PALM2AKAP2: variants seen among roughly 807,000 people sequenced by gnomAD.
PALM2AKAP2 encodes PALM2-AKAP2 fusion protein.
In PALM2AKAP2, 37 loss-of-function variants were observed where a neutral mutation model predicts 71.5. That is an observed-to-expected ratio of 0.52 (90% CI 0.40 to 0.68). The LOEUF (loss-of-function observed/expected upper bound fraction) is 0.68. Ranked by LOEUF, PALM2AKAP2 falls within the 30% of genes least tolerant of loss-of-function variation. The pLI is 0.00. For missense variants in PALM2AKAP2, 1,224 were observed against 1,191.8 expected (o/e 1.03, Z -0.40); for synonymous variants, 468 against 478.8 (o/e 0.98, Z 0.29).
intron 1 of PALM2AKAP2, among the ~76,000 whole-genome samples, chr9:109,801,724 G>GTGTA (rs1454296970): frequency 6.6e-6 from 1 of 151,864 alleles, no homozygotes; most frequent in Non-Finnish European, 1.5e-5. Flanking sequence ...GTGTGTGTGT[G>GTGTA]TGTGTTTGTG....
intron 1 of PALM2AKAP2, among the ~76,000 whole-genome samples, chr9:109,647,296 T>C (rs1391834761): frequency 6.6e-6 from 1 of 152,210 alleles, no homozygotes; most frequent in African/African-American, 2.4e-5. Context: ...TATACACATC[T>C]ACTTCATTCA....
At chr9:110,162,587 TTAAGATGAACCATCC>T (rs1310644854) in intron 3 of PALM2AKAP2, among the ~76,000 whole-genome samples, 1 of 152,192 alleles carries the variant, frequency 6.6e-6, no homozygotes, top group East Asian at 1.9e-4. Context: ...TTCTATAGAT[TTAAGATGAACCATCC>T]TAATCTACAG....
upstream of PALM2AKAP2, among the ~76,000 whole-genome samples, chr9:110,045,360 G>A (rs958291168): frequency 1.3e-5 from 2 of 152,178 alleles, no homozygotes; most frequent in East Asian, 3.9e-4. Context: ...AATATTCTCA[G>A]CTCTAATAAT....
At chr9:109,748,936 A>G (rs1049998521) in intron 1 of PALM2AKAP2, among the ~76,000 whole-genome samples, 2 of 152,150 alleles carry the variant, frequency 1.3e-5, no homozygotes, top group African/African-American at 2.4e-5. Context: ...CTCCAGCCAT[A>G]TTGGATTAAG....
At chr9:110,045,608 C>A (rs371152204), upstream of PALM2AKAP2, among the ~76,000 whole-genome samples, 2 of 152,164 alleles carry the variant, frequency 1.3e-5, no homozygotes, top group East Asian at 3.9e-4. Flanking sequence ...CTCTCTGTCG[C>A]CCAGGCTGGA....
chr9:110,061,023 C>T (rs973305131), intron 1 of PALM2AKAP2, among the ~76,000 whole-genome samples: 1 of 152,098 alleles, frequency 6.6e-6, no homozygotes, highest in African/African-American at 2.4e-5. Context: ...GACCTTTGTC[C>T]CGTTAAGGTA....
intron 1 of PALM2AKAP2, among the ~76,000 whole-genome samples, chr9:109,664,463 G>T (rs1827447587): frequency 6.6e-6 from 1 of 152,176 alleles, no homozygotes; most frequent in East Asian, 1.9e-4. Context: ...GGTTTGACTG[G>T]ATATGAAATT....
chr9:110,098,126 G>C (rs139122296), intron 1 of PALM2AKAP2, among the ~76,000 whole-genome samples: 1 of 129,266 alleles, frequency 7.7e-6, no homozygotes, highest in South Asian at 2.3e-4. Flanking sequence ...GTCCAGCTTC[G>C]GCTCGGCATC....
chr9:109,839,255 C>T (rs1329166655), intron 1 of PALM2AKAP2, among the ~76,000 whole-genome samples: 1 of 152,122 alleles, frequency 6.6e-6, no homozygotes. Context: ...AAACGTAATC[C>T]AGCATATAAA....
intron 1 of PALM2AKAP2, among the ~76,000 whole-genome samples, chr9:109,710,330 C>T (rs1458560760): frequency 6.6e-6 from 1 of 152,248 alleles, no homozygotes; most frequent in Non-Finnish European, 1.5e-5. Context: ...TAACTTTCAG[C>T]CCTTCCTGCC....
chr9:110,091,793 GA>G (rs1834721990), intron 1 of PALM2AKAP2, among the ~76,000 whole-genome samples: 1 of 152,056 alleles, frequency 6.6e-6, no homozygotes, highest in Non-Finnish European at 1.5e-5. Context: ...TACACATAGT[GA>G]AATTCATTCT....
intron 1 of PALM2AKAP2, among the ~76,000 whole-genome samples, chr9:109,812,011 G>A (rs1827738950): frequency 6.6e-6 from 1 of 152,252 alleles, no homozygotes; most frequent in Non-Finnish European, 1.5e-5. Context: ...CTGCCCCAAA[G>A]GCTGGACTTG....
intron 1 of PALM2AKAP2, among the ~76,000 whole-genome samples, chr9:109,704,477 T>C (rs1175847542): frequency 2.6e-5 from 4 of 152,190 alleles, no homozygotes; most frequent in African/African-American, 9.6e-5. Flanking sequence ...TCCTTCATTG[T>C]AGGGAGAAAA....
At chr9:110,091,049 A>G (rs1416809765) in intron 1 of PALM2AKAP2, among the ~76,000 whole-genome samples, 2 of 152,138 alleles carry the variant, frequency 1.3e-5, no homozygotes, top group Non-Finnish European at 2.9e-5. Flanking sequence ...TTTGAAAACA[A>G]CTACATGAGC....
In PALM2AKAP2 at chr9:109,674,476, G is replaced by A. The variant is rs145124847; in HGVS notation, c.5+33610G>A. On this transcript the variant is annotated intron_variant, in intron 1 of 6. Coordinates refer to the PALM2AKAP2 transcript ENST00000374531. ...CCTCTGAAGACTGTTGAACTTTCAG[G>A]CAGTTAAGTTACTGGTGGCCTCCCT... 5.8e-3 allele frequency among the ~76,000 whole-genome samples: 883 copies of A among 152,078 alleles called. 15 individuals carry two copies. The highest frequency in any genetic ancestry group is 0.021 in the African/African-American group (862 of 41,526).
In PALM2AKAP2 at chr9:110,059,539, C is replaced by T. The variant is rs1164006606; in HGVS notation, c.156+10684C>T. On this transcript the variant is annotated intron_variant, in intron 1 of 3. Transcript: ENST00000374525. The stretch of plus-strand genomic sequence containing the variant: ...TTCCAAGAAAAATAAAATCTTTTTG[C>T]AATTTCTATGCATCATCTTTTTATA... 2.6e-5 allele frequency among the ~76,000 whole-genome samples: 4 copies of T among 152,148 alleles called. No individual in the cohort carries two copies. In the East Asian group the frequency reaches 7.7e-4, roughly 29 times the overall value.
chr9:109,821,817 A>G (rs1828014682), intron 1 of PALM2AKAP2, among the ~76,000 whole-genome samples: 1 of 152,204 alleles, frequency 6.6e-6, no homozygotes, highest in Admixed American at 6.5e-5. Flanking sequence ...TGGGGAGCCC[A>G]TTCTCTTAGG....
intron 1 of PALM2AKAP2, among the ~76,000 whole-genome samples, chr9:110,107,119 C>T (rs1835138343): frequency 2.0e-5 from 3 of 152,096 alleles, no homozygotes; most frequent in African/African-American, 7.2e-5. Context: ...CAGAAGGTAA[C>T]AAAGATGCAA....
At chr9:110,149,496 G>A (rs573209820) in intron 2 of PALM2AKAP2, among the ~76,000 whole-genome samples, 3 of 152,180 alleles carry the variant, frequency 2.0e-5, no homozygotes, top group Non-Finnish European at 2.9e-5. Context: ...AGAAAAAAAT[G>A]TAAAAAGAAT....
Sources: gnomAD v4.1 joint callset for allele counts (sites outside exome capture counted in the v4.1 genomes callset) on GRCh38, gnomAD v4.1.1 for gene constraint, MANE v1.5 for transcripts, NCBI Gene and HGNC (gene_info 2026-07-23, HGNC 2026-07-21) for gene names.